The following PACRG variants were observed in gnomAD, a reference collection of about 807,000 sequenced individuals.
PACRG encodes parkin coregulated gene protein.
A neutral mutation model predicts 29.7 loss-of-function variants in PACRG; 29 were observed. That is an observed-to-expected ratio of 0.98 (90% CI 0.73 to 1.33). The LOEUF is 1.33. PACRG is among the 40% of genes most tolerant of loss of function. The pLI is 0.00. For missense variants in PACRG, 279 were observed against 316.2 expected (o/e 0.88, Z 0.89); for synonymous variants, 116 against 118.7 (o/e 0.98, Z 0.15).
chr6:162,814,080 T>C, intron 1 of PACRG, 67 bp from the exon 2 acceptor site: 2 of 1,469,498 alleles, frequency 1.4e-6, no homozygotes, highest in Non-Finnish European at 1.8e-6. Flanking sequence ...AAACAGAAAG[T>C]TCTTTTATTA....
chr6:162,816,626 A>G (rs1321253429), intron 2 of PACRG, among the ~76,000 whole-genome samples: 1 of 152,206 alleles, frequency 6.6e-6, no homozygotes, highest in Non-Finnish European at 1.5e-5. Context: ...TGCTGGGATT[A>G]CAGGCGTGAG....
At chr6:163,247,049 G>A (rs967308066) in intron 4 of PACRG, among the ~76,000 whole-genome samples, 1 of 152,220 alleles carries the variant, frequency 6.6e-6, no homozygotes, top group Admixed American at 6.5e-5. Flanking sequence ...AAAAGAAAAT[G>A]CAGTATAATG....
chr6:163,228,273 A>T (rs1345581587), intron 4 of PACRG, among the ~76,000 whole-genome samples: 1 of 150,558 alleles, frequency 6.6e-6, no homozygotes, highest in African/African-American at 2.4e-5. Context: ...GTATCAGAAG[A>T]TGTAGTCAGA....
intron 4 of PACRG, among the ~76,000 whole-genome samples, chr6:163,217,413 G>A (rs540098072): frequency 9.5e-4 from 145 of 152,330 alleles, no homozygotes; most frequent in African/African-American, 3.3e-3. Context: ...CAAAGCCCAC[G>A]TCCACGCAGT....
chr6:163,210,574 C>T (rs1236724936), intron 4 of PACRG, among the ~76,000 whole-genome samples: 1 of 152,206 alleles, frequency 6.6e-6, no homozygotes, highest in African/African-American at 2.4e-5. Flanking sequence ...TCTTCCAAAG[C>T]ACATGGATGA....
At chr6:162,946,763 A>T (rs553279091) in intron 2 of PACRG, among the ~76,000 whole-genome samples, 1 of 152,178 alleles carries the variant, frequency 6.6e-6, no homozygotes, top group Non-Finnish European at 1.5e-5. Context: ...ACTGCATATC[A>T]AAAAGATAAT....
At chr6:163,261,668 A>T (rs1168009385) in intron 4 of PACRG, among the ~76,000 whole-genome samples, 2 of 152,240 alleles carry the variant, frequency 1.3e-5, no homozygotes, top group African/African-American at 4.8e-5. Flanking sequence ...TGGATTTGGC[A>T]AAATGCAGAT....
chr6:162,918,667 C>T (rs1018910524), intron 2 of PACRG, among the ~76,000 whole-genome samples: 1 of 152,082 alleles, frequency 6.6e-6, no homozygotes, highest in Admixed American at 6.6e-5. Context: ...AAAGAAGTTA[C>T]AACACATATG....
intron 1 of PACRG, among the ~76,000 whole-genome samples, chr6:162,728,770 A>G (rs779608397): frequency 4.6e-5 from 7 of 152,236 alleles, no homozygotes; most frequent in Non-Finnish European, 1.0e-4. Context: ...AACTCTTGCA[A>G]AATTTAACAT....
chr6:163,172,932 A>G (rs143212427), intron 4 of PACRG, among the ~76,000 whole-genome samples: 2 of 152,380 alleles, frequency 1.3e-5, no homozygotes, highest in East Asian at 1.9e-4. Context: ...GTCTACCAAT[A>G]TGAAAATGGC....
intron 3 of PACRG, among the ~76,000 whole-genome samples, chr6:163,077,965 G>A (rs1290729012): frequency 1.3e-5 from 2 of 152,168 alleles, no homozygotes; most frequent in African/African-American, 2.4e-5. Flanking sequence ...GCAAGGCACA[G>A]CATGTTTAAA....
At chr6:163,262,338 T>C (rs1783357712) in intron 4 of PACRG, among the ~76,000 whole-genome samples, 1 of 152,178 alleles carries the variant, frequency 6.6e-6, no homozygotes, top group African/African-American at 2.4e-5. Flanking sequence ...AGGCAGAGAT[T>C]ATGTTGTTCT....
chr6:163,194,830 C>T (rs1780373842), intron 4 of PACRG, among the ~76,000 whole-genome samples: 1 of 152,100 alleles, frequency 6.6e-6, no homozygotes, highest in Non-Finnish European at 1.5e-5. Flanking sequence ...CCCCCCAACC[C>T]CACGCCTGCT....
rs573248487 is a variant in PACRG, at chr6:162,774,087, A to G, written c.157-40060A>G. 1.5e-4 allele frequency among the ~76,000 whole-genome samples: 23 copies of G among 152,336 alleles called. No homozygotes were observed. The South Asian group carries it at 4.3e-3, about 29-fold the overall frequency. ...GTTTTGTCATATTTACTCCCACATT[A>G]CATGCACGTGGTAGATATGGATGGA... On this transcript the variant is annotated intron_variant, in intron 1 of 4. Coordinates refer to ENST00000366888, the MANE Select transcript of PACRG (RefSeq NM_001080379.2).
intron 1 of PACRG, among the ~76,000 whole-genome samples, chr6:162,804,253 A>G (rs1786122502): frequency 6.6e-6 from 1 of 152,146 alleles, no homozygotes; most frequent in Admixed American, 6.6e-5. Context: ...CAAATAGACA[A>G]TTTGTAACTT....
At chr6:163,121,191 G>C (rs1362815038) in intron 4 of PACRG, among the ~76,000 whole-genome samples, 1 of 152,132 alleles carries the variant, frequency 6.6e-6, no homozygotes. Flanking sequence ...TCAAAAAATA[G>C]AAGTGATCAT....
chr6:162,966,893 A>T (rs1313748920), intron 2 of PACRG, among the ~76,000 whole-genome samples: 1 of 152,218 alleles, frequency 6.6e-6, no homozygotes, highest in East Asian at 1.9e-4. Flanking sequence ...ATTGGAATAT[A>T]GTCTCTTTCT....
At chr6:163,005,583 A>AT (rs1482958504) in intron 2 of PACRG, among the ~76,000 whole-genome samples, 1 of 151,514 alleles carries the variant, frequency 6.6e-6, no homozygotes, top group Admixed American at 6.6e-5. Flanking sequence ...CTATTTAGGG[A>AT]TTTTCCTGTT....
At chr6:162,881,641 A>G (rs9458663) in intron 2 of PACRG, among the ~76,000 whole-genome samples, 24,366 of 150,676 alleles carry the variant, frequency 0.16, 2,076 homozygotes, top group Middle Eastern at 0.21. Context: ...AAGACCAGAG[A>G]CCTGGGGGAA....
Sources: allele counts gnomAD v4.1 joint callset (sites outside exome capture counted in the v4.1 genomes callset), GRCh38; gene constraint gnomAD v4.1.1; transcripts MANE v1.5; gene names NCBI Gene and HGNC (gene_info 2026-07-23, HGNC 2026-07-21).